CORO1B: variants seen among roughly 807,000 people sequenced by gnomAD.
CORO1B encodes the protein coronin 1B, also known as coronin-1B.
CORO1B carries 30 observed loss-of-function variants against 51.1 expected under a neutral mutation model. The ratio of observed to expected loss-of-function variants is 0.59; its 90% confidence interval spans 0.44 to 0.80. The LOEUF (loss-of-function observed/expected upper bound fraction) is 0.80. Ranked by LOEUF, CORO1B falls within the 30% of genes least tolerant of loss-of-function variation. The probability of loss-of-function intolerance (pLI) is 0.00; values close to 1 mark genes in which losing one functional copy is unlikely to be tolerated. For synonymous variants in CORO1B, 310 were observed against 289.7 expected, an observed-to-expected ratio of 1.07 and a Z score of -0.71; for missense variants, 648 against 700.4, an observed-to-expected ratio of 0.93 and a Z score of 0.84.
Position 67,441,794 on chromosome 11 carries a change from G to C in CORO1B, c.393C>G (p.His131Gln). ...LTEPVVVLEG[H>Q]TKRVGIIAWH... ...AGGCGATGATGCCCACTCGCTTGGT[G>C]TGCCCCTCCAGTACCACCACCGGCT... The change falls in exon 4 of 11, where the codon CAC (histidine) becomes CAG (glutamine). Residue 131 changes from histidine to glutamine, a missense_variant. Physicochemically the swap from His to Gln is conservative, Grantham distance 24. Coordinates refer to ENST00000341356, the MANE Select transcript of CORO1B (RefSeq NM_020441.3). 1 of 1,613,018 alleles carries C rather than the reference G, an allele frequency of 6.2e-7. No homozygotes were observed. The highest frequency in any genetic ancestry group is 8.5e-7 in the Non-Finnish European group (1 of 1,179,936).
At chr11:67,443,528 G>T, upstream of CORO1B, 2 of 854,256 alleles carry the variant, frequency 2.3e-6, no homozygotes, top group Non-Finnish European at 2.8e-6. Context: ...GCGGGGCAGG[G>T]GCTCGCGGGG....
In CORO1B at chr11:67,437,734, C is replaced by T. The variant is rs1864315518; in HGVS notation, c.*642G>A. The T allele has an allele frequency of 8.7e-7, 1 of 1,144,150 alleles. No homozygotes were observed. 70.9% of individuals were successfully genotyped at this position (1,144,150 alleles called of 1,614,324 possible). A position where few individuals can be genotyped will look rare whatever the true frequency, so the allele number is the denominator to read the frequency against. ...GGTGGCCCAGGCTTCCGCTTCCTGCCCACATACCCCACCTGCCCCTCCCTG... is the reference window on the plus strand; with the variant it reads ...GGTGGCCCAGGCTTCCGCTTCCTGCTCACATACCCCACCTGCCCCTCCCTG... On this transcript the variant is annotated 3_prime_UTR_variant, in exon 11 of 11. Coordinates refer to ENST00000341356, the MANE Select transcript of CORO1B (RefSeq NM_020441.3).
Position 67,437,304 on chromosome 11 carries a change from C to G in CORO1B, c.*1072G>C. ...GGGAGGGGTGCTGAGGTGCAGCCAG[C>G]CTCCCCCACCACCCCAGGCTGTCCG... On this transcript the variant is annotated 3_prime_UTR_variant, in exon 11 of 11. Transcript: ENST00000341356. 3.1e-6 allele frequency: 1 copy of G among 325,064 alleles called. No individual in the cohort carries two copies. The highest frequency in any genetic ancestry group is 5.6e-6 in the Non-Finnish European group (1 of 179,124). The allele number at this position is 325,064 out of a possible 1,614,324, so 20.1% of individuals were successfully genotyped here.
intron 6 of CORO1B, 153 bp downstream of exon 6, chr11:67,440,972 G>A (rs759187074): frequency 4.5e-6 from 5 of 1,102,644 alleles, no homozygotes; most frequent in African/African-American, 1.5e-5. Context: ...GCAGGGGGCA[G>A]GAGAGGAAAG....
intron 9 of CORO1B, 36 bp downstream of exon 9, chr11:67,439,749 GA>G: frequency 6.4e-7 from 1 of 1,561,022 alleles, no homozygotes. Context: ...GCTTGCTGGA[GA>G]AAGGGCCAAG....
intron 6 of CORO1B, 135 bp downstream of exon 6, chr11:67,440,988 CAG>C: frequency 7.6e-7 from 1 of 1,318,628 alleles, no homozygotes; most frequent in Non-Finnish European, 1.1e-6. Flanking sequence ...GAAAGTCTGA[CAG>C]AGTCCTAGGC....
chr11:67,442,138 G>A (rs1418102688), intron 2 of CORO1B, 50 bp from the exon 3 acceptor site: 5 of 1,591,708 alleles, frequency 3.1e-6, no homozygotes, highest in Middle Eastern at 3.6e-4. Flanking sequence ...CCGAAGCCTT[G>A]GTCTTCCCCT....
At position 67,440,148 on chromosome 11, in the gene CORO1B, C is replaced by A. The variant is rs754296508; in HGVS notation, c.977G>T (p.Gly326Val). ...QRGMGSMPKRGLEVSKCEIAR... is the reference protein window; with the variant it reads ...QRGMGSMPKRVLEVSKCEIAR... Reference sequence around the variant, plus strand: ...GATCTCGCACTTGCTGACCTCCAGGCCCCGCTTGGGCATGCTGCCCATACC... The same window carrying A: ...GATCTCGCACTTGCTGACCTCCAGGACCCGCTTGGGCATGCTGCCCATACC... The change falls in exon 8 of 11, where the codon GGC (glycine) becomes GTC (valine). Residue 326 changes from glycine to valine, a missense_variant. Physicochemically the swap from Gly to Val is moderately radical, Grantham distance 109. Coordinates refer to ENST00000341356, the MANE Select transcript of CORO1B (RefSeq NM_020441.3). 1 of 1,613,332 alleles carries A rather than the reference C, an allele frequency of 6.2e-7. No homozygotes were observed. The highest frequency in any genetic ancestry group is 8.5e-7 in the Non-Finnish European group (1 of 1,179,794).
chr11:67,442,697 G>A, intron 1 of CORO1B, 67 bp from the exon 2 acceptor site: 1 of 1,536,028 alleles, frequency 6.5e-7, no homozygotes, highest in Non-Finnish European at 8.9e-7. Context: ...CCAGGCTGCT[G>A]AAGGTGAGCC....
upstream of CORO1B, chr11:67,443,706 C>T (rs1483498443): frequency 1.0e-6 from 1 of 984,258 alleles, no homozygotes; most frequent in Non-Finnish European, 1.2e-6. Flanking sequence ...GGGGCAGGGC[C>T]GACGGCGGCC....
At position 67,435,583 on chromosome 11, in the gene CORO1B, C is replaced by CG. The variant is rs1864248445; in HGVS notation, c.*2792dup. 1.7e-5 allele frequency: 21 copies of CG among 1,212,298 alleles called. No homozygotes were observed. In the East Asian group the frequency reaches 5.3e-4, roughly 31 times the overall value. 75.1% of individuals were successfully genotyped at this position (1,212,298 alleles called of 1,614,324 possible). ...TGGGGGGGGCCGTTCCCGTGGTGAG[C>CG]GGGGTACACATGGACTTGGGAACTG... On this transcript the variant is annotated 3_prime_UTR_variant, in exon 11 of 11. Transcript: ENST00000341356.
chr11:67,438,793 G>C lies in CORO1B; in HGVS notation c.1222C>G (p.Arg408Gly), dbSNP rs536517452. The C allele has an allele frequency of 1.2e-6, 2 of 1,602,060 alleles. No individual in the cohort carries two copies. The highest frequency in any genetic ancestry group is 8.5e-7 in the Non-Finnish European group (1 of 1,176,582). The change falls in exon 10 of 11, where the codon CGG (arginine) becomes GGG (glycine). Residue 408 changes from arginine (R) to glycine (G), a missense_variant. Transcript: ENST00000341356. Reference protein sequence around the residue: ...PSKQRDLKISRRNVLSDSRPA... With the variant: ...PSKQRDLKISGRNVLSDSRPA... ...CGGCTGTCAGACAACACGTTGCGCC[G>C]GCTGATCTTCAGGTCCCGCTGCTTG...
Position 67,436,129 on chromosome 11 carries a change from C to A in CORO1B, c.*2247G>T, listed in dbSNP as rs1478090421. The A allele has an allele frequency of 1.3e-6, 2 of 1,588,484 alleles. No homozygotes were observed. The highest frequency in any genetic ancestry group is 8.6e-7 in the Non-Finnish European group (1 of 1,167,376). ...CCCAGAGCAGGCGCCGCGTGCGGCCCCACAGCGCGGCACCTAGGCGGGCCG... is the reference window on the plus strand; with the variant it reads ...CCCAGAGCAGGCGCCGCGTGCGGCCACACAGCGCGGCACCTAGGCGGGCCG... On this transcript the variant is annotated 3_prime_UTR_variant, in exon 11 of 11. Transcript: ENST00000341356.
At position 67,441,759 on chromosome 11, in the gene CORO1B, G is replaced by A. The variant is rs755406560; in HGVS notation, c.428C>T (p.Thr143Met). The part of the protein sequence containing the change: ...KRVGIIAWHP[T>M]ARNVLLSAGC... ...TGCACTGAGCAGCACGTTTCGGGCC[G>A]TGGGGTGCCAGGCGATGATGCCCAC... Residue 143 changes from threonine (T) to methionine (M), a missense_variant, in exon 4 of 11, where the codon ACG becomes ATG. By Grantham distance (81) the Thr-to-Met change is moderately conservative. Coordinates refer to ENST00000341356, the MANE Select transcript of CORO1B (RefSeq NM_020441.3). 1.9e-6 allele frequency: 3 copies of A among 1,611,778 alleles called. No homozygotes were observed. The highest frequency in any genetic ancestry group is 2.7e-5 in the African/African-American group (2 of 74,850).
rs571950100 is a variant in CORO1B, at chr11:67,437,219, A to T, written c.*1157T>A. The T allele has an allele frequency of 7.4e-4, 123 of 166,020 alleles. No individual in the cohort carries two copies. The highest frequency in any genetic ancestry group is 1.7e-3 in the South Asian group (8 of 4,596). The allele number at this position is 166,020 out of a possible 1,614,324, so 10.3% of individuals were successfully genotyped here. On this transcript the variant is annotated 3_prime_UTR_variant, in exon 11 of 11. Coordinates refer to ENST00000341356, the MANE Select transcript of CORO1B (RefSeq NM_020441.3). ...GCCGGGGGCTGGGGGGGGCTGGGGG[A>T]GGCGGGCGCAGCTGCCAGAGGAAGT...
intron 8 of CORO1B, 104 bp downstream of exon 8, chr11:67,440,014 C>G (rs753347412): frequency 6.0e-6 from 9 of 1,507,490 alleles, no homozygotes; most frequent in Non-Finnish European, 8.0e-6. Context: ...CATGGCCCGC[C>G]GGGCCTCCCT....
intron 2 of CORO1B, among the ~76,000 whole-genome samples, 157 bp downstream of exon 2, chr11:67,442,271 A>G (rs566841393): frequency 2.0e-5 from 3 of 152,224 alleles, no homozygotes; most frequent in South Asian, 4.1e-4. Flanking sequence ...GCAACAGGCT[A>G]CTTTCCATCT....
Position 67,436,660 on chromosome 11 carries a change from G to C in CORO1B, c.*1716C>G. The C allele has an allele frequency of 3.2e-6, 1 of 314,060 alleles. No individual in the cohort carries two copies. The highest frequency in any genetic ancestry group is 5.8e-6 in the Non-Finnish European group (1 of 171,142). The allele number at this position is 314,060 out of a possible 1,614,324, so 19.5% of individuals were successfully genotyped here. A position where few individuals can be genotyped will look rare whatever the true frequency, so the allele number is the denominator to read the frequency against. ...ACCTCCTCCCATCCTCCCCTCCCCC[G>C]GGCTGCATGGCCTGCTCACCGTGCT... On this transcript the variant is annotated 3_prime_UTR_variant, in exon 11 of 11. Coordinates refer to ENST00000341356, the MANE Select transcript of CORO1B (RefSeq NM_020441.3).
Position 67,436,291 on chromosome 11 carries a change from C to G in CORO1B, c.*2085G>C, listed in dbSNP as rs370854668. 1.4e-5 allele frequency: 21 copies of G among 1,532,640 alleles called. No individual in the cohort carries two copies. The highest frequency in any genetic ancestry group is 1.6e-5 in the Non-Finnish European group (18 of 1,143,374). 94.9% of individuals were successfully genotyped at this position (1,532,640 alleles called of 1,614,324 possible). A position where few individuals can be genotyped will look rare whatever the true frequency, so the allele number is the denominator to read the frequency against. On this transcript the variant is annotated 3_prime_UTR_variant, in exon 11 of 11. Transcript: ENST00000341356. Reference sequence around the variant, plus strand: ...CCACGCTGTCCTCCGCGCTGCCACCCGAGCCCAAGGCCCCTGGCAGGGCCA... The same window carrying G: ...CCACGCTGTCCTCCGCGCTGCCACCGGAGCCCAAGGCCCCTGGCAGGGCCA...
Sources: gnomAD v4.1 joint callset for allele counts (sites outside exome capture counted in the v4.1 genomes callset) on GRCh38, gnomAD v4.1.1 for gene constraint, MANE v1.5 for transcripts, NCBI Gene and HGNC (gene_info 2026-07-23, HGNC 2026-07-21) for gene names.